The following ANKRD31 variants were observed in gnomAD, a reference collection of about 807,000 sequenced individuals.
ANKRD31 encodes ankyrin repeat domain-containing protein 31.
In ANKRD31, 147 loss-of-function variants were observed where a neutral mutation model predicts 186.0. That is an observed-to-expected ratio of 0.79 (90% CI 0.69 to 0.91). ANKRD31 has a LOEUF of 0.91. Ranked by LOEUF, ANKRD31 falls within the 40% of genes least tolerant of loss-of-function variation. The pLI is 0.00. For missense variants in ANKRD31, 1,986 were observed against 2,148.8 expected, an observed-to-expected ratio of 0.92 and a Z score of 1.50; for synonymous variants, 673 against 736.4, an observed-to-expected ratio of 0.91 and a Z score of 1.39.
chr5:75,114,860 C>A (rs1291192197), intron 19 of ANKRD31, among the ~76,000 whole-genome samples: 1 of 152,030 alleles, frequency 6.6e-6, no homozygotes, highest in East Asian at 1.9e-4. Flanking sequence ...TCAATGCCAT[C>A]CCCATCAAGC....
At chr5:75,149,125 G>T (rs904511095) in intron 12 of ANKRD31, among the ~76,000 whole-genome samples, 5 of 151,820 alleles carry the variant, frequency 3.3e-5, no homozygotes, top group Non-Finnish European at 7.4e-5. Flanking sequence ...GGGGGAAAAA[G>T]ATTATTTTTA....
chr5:75,146,282 A>G lies in ANKRD31; in HGVS notation c.3129T>C (p.Thr1043=). 6.5e-7 allele frequency: 1 copy of G among 1,536,578 alleles called. No individual in the cohort carries two copies. Among genetic ancestry groups the G allele is most frequent in the Middle Eastern group, 1.7e-4 (1 of 5,976 alleles). The change falls in exon 14 of 26, where the codon ACT becomes ACC. Residue 1043 remains threonine, a synonymous_variant. Coordinates refer to ENST00000506364, the MANE Select transcript of ANKRD31 (RefSeq NM_001372053.1). ...GTGTATCTGTTTGATTCATTAAAAA[A>G]GTTGGTGCTCTGGGAATATAATCCT... ...KPQDYIPRAP[T]FLMNQTDTHI...
intron 10 of ANKRD31, among the ~76,000 whole-genome samples, chr5:75,175,677 A>G (rs776312740): frequency 6.7e-6 from 1 of 149,794 alleles, no homozygotes; most frequent in Non-Finnish European, 1.5e-5. Context: ...ACACACACAC[A>G]CATTCACACA....
intron 2 of ANKRD31, chr5:75,225,554 G>T: frequency 3.5e-6 from 1 of 286,332 alleles, no homozygotes; most frequent in South Asian, 4.0e-5. Context: ...GTGAATGACA[G>T]GGTTTGTCAA....
chr5:75,186,787 TA>T (rs992749805), intron 10 of ANKRD31, among the ~76,000 whole-genome samples: 1 of 152,188 alleles, frequency 6.6e-6, no homozygotes, highest in African/African-American at 2.4e-5. Context: ...ATGTTACATA[TA>T]AAAGACCATT....
At chr5:75,162,620 G>A (rs977180452) in intron 11 of ANKRD31, among the ~76,000 whole-genome samples, 3 of 152,094 alleles carry the variant, frequency 2.0e-5, no homozygotes, top group African/African-American at 4.8e-5. Flanking sequence ...GTCAGGGGTG[G>A]AATTACATGG....
At chr5:75,169,177 G>C in intron 10 of ANKRD31, 56 bp from the exon 11 acceptor site, 1 of 1,495,894 alleles carries the variant, frequency 6.7e-7, no homozygotes, top group East Asian at 2.5e-5. Context: ...ATAATGTTTT[G>C]TGCTTGCCCT....
intron 13 of ANKRD31, 92 bp downstream of exon 13, chr5:75,148,484 G>A: frequency 1.2e-6 from 1 of 861,852 alleles, no homozygotes; most frequent in Non-Finnish European, 1.7e-6. Flanking sequence ...TATTACTAAA[G>A]CTTCAGCAGT....
At position 75,154,024 on chromosome 5, in the gene ANKRD31, C is replaced by T. The variant is rs142081599; in HGVS notation, c.1852+177G>A. The stretch of plus-strand genomic sequence containing the variant: ...TACCTTTCTTTTTTCTTTTAGAGTC[C>T]TATGTGCATTTGCAAACAAGTCAGT... On this transcript the variant is annotated intron_variant, in intron 12 of 25. Coordinates refer to ENST00000506364, the MANE Select transcript of ANKRD31 (RefSeq NM_001372053.1). Among the ~76,000 whole-genome samples, 119 of 152,050 alleles carry T rather than the reference C, an allele frequency of 7.8e-4. 1 individual carries two copies. Among genetic ancestry groups the T allele is most frequent in the African/African-American group, 2.7e-3 (113 of 41,506 alleles).
In ANKRD31 at chr5:75,147,054, A is replaced by T; in HGVS notation, c.2357T>A (p.Leu786Ter). ...TCCATTTCTCAGGCTTGACAGAGTT[A>T]AGCTGGAAGGTTCACACAATTCTTC... ...LPEELCEPSS[L>*]TLSSLRNGLD... The change falls in exon 14 of 26, where the codon TTA (leucine) becomes TAA (stop). Residue 786 changes from leucine to a stop codon, truncating the protein, a stop_gained. Transcript: ENST00000506364. LOFTEE classifies it high-confidence loss of function. 6.5e-7 allele frequency: 1 copy of T among 1,536,348 alleles called. No homozygotes were observed. Among genetic ancestry groups the T allele is most frequent in the Non-Finnish European group, 8.7e-7 (1 of 1,146,312 alleles).
chr5:75,217,712 T>C lies in ANKRD31; in HGVS notation c.288+4537A>G, dbSNP rs140240062. ...TCTGGGTCTTACCTCTTTATCCCAC[T>C]TGCCACTCTGTGTCTTTTAATGGGG... is the stretch of plus-strand genomic sequence containing the variant. On this transcript the variant is annotated intron_variant, in intron 3 of 25. Coordinates refer to ENST00000506364, the MANE Select transcript of ANKRD31 (RefSeq NM_001372053.1). 1.5e-4 allele frequency among the ~76,000 whole-genome samples: 23 copies of C among 152,320 alleles called. No homozygotes were observed. The East Asian group carries it at 4.2e-3, about 28-fold the overall frequency.
chr5:75,069,313 G>GTA (rs1744023890), intron 25 of ANKRD31, among the ~76,000 whole-genome samples: 1 of 151,892 alleles, frequency 6.6e-6, no homozygotes, highest in African/African-American at 2.4e-5. Context: ...TATATGAGCT[G>GTA]TACATCATTC....
intron 25 of ANKRD31, among the ~76,000 whole-genome samples, chr5:75,079,382 G>T (rs1251523451): frequency 6.6e-6 from 1 of 151,948 alleles, no homozygotes; most frequent in Non-Finnish European, 1.5e-5. Context: ...AATTTAAATA[G>T]AATTCTTTAT....
chr5:75,155,762 T>C (rs986130506), intron 11 of ANKRD31, among the ~76,000 whole-genome samples: 1 of 152,190 alleles, frequency 6.6e-6, no homozygotes, highest in African/African-American at 2.4e-5. Flanking sequence ...TATTTCCTTT[T>C]ATAAGAAAGC....
intron 10 of ANKRD31, among the ~76,000 whole-genome samples, chr5:75,172,196 A>G (rs1490274894): frequency 6.6e-6 from 1 of 151,992 alleles, no homozygotes; most frequent in Non-Finnish European, 1.5e-5. Context: ...TATAAAAAGA[A>G]TGATACATCA....
chr5:75,189,229 G>A (rs917638636), intron 9 of ANKRD31, among the ~76,000 whole-genome samples: 3 of 152,150 alleles, frequency 2.0e-5, no homozygotes, highest in Non-Finnish European at 4.4e-5. Flanking sequence ...AGCCAGAAAT[G>A]CACGATTAAA....
chr5:75,194,975 G>C (rs1755363028), intron 7 of ANKRD31, among the ~76,000 whole-genome samples: 1 of 151,870 alleles, frequency 6.6e-6, no homozygotes, highest in South Asian at 2.1e-4. Context: ...TTATAATCAG[G>C]GGAAAAAATA....
chr5:75,214,197 A>T (rs946981395), intron 3 of ANKRD31, among the ~76,000 whole-genome samples: 3 of 152,178 alleles, frequency 2.0e-5, no homozygotes, highest in Non-Finnish European at 4.4e-5. Context: ...ACATCCACTC[A>T]CTAGGATCTA....
Position 75,146,083 on chromosome 5 carries a change from T to G in ANKRD31, c.3328A>C (p.Asn1110His), listed in dbSNP as rs75097327. Residue 1110 changes from asparagine (N) to histidine (H), a missense_variant, in exon 14 of 26, where the codon AAT becomes CAT. Transcript: ENST00000506364. The stretch of plus-strand genomic sequence containing the variant: ...TTGTCAGTGGAATGAGAATCTATAT[T>G]GTGTATAGTCTCACTTTCTAGATGG... ...QNHLESETIH[N>H]IDSHSTDNMS... is the part of the protein sequence containing the mutation. 64 of 1,534,592 alleles carry G rather than the reference T, an allele frequency of 4.2e-5. 1 individual carries two copies. In the East Asian group the frequency reaches 1.5e-3, roughly 37 times the overall value.
Sources: gnomAD v4.1 joint callset for allele counts (sites outside exome capture counted in the v4.1 genomes callset) on GRCh38, gnomAD v4.1.1 for gene constraint, MANE v1.5 for transcripts, NCBI Gene and HGNC (gene_info 2026-07-23, HGNC 2026-07-21) for gene names.